Variants in EPB41L2 observed in about 807,000 individuals in gnomAD.
EPB41L2 encodes band 4.1-like protein 2.
Under a neutral mutation model 113.0 loss-of-function variants are expected in EPB41L2, and 43 were observed. The ratio of observed to expected loss-of-function variants is 0.38; its 90% CI spans 0.30 to 0.49. The LOEUF (loss-of-function observed/expected upper bound fraction) is 0.49. EPB41L2 is among the 20% of genes least tolerant of loss of function. The pLI, the probability that EPB41L2 is intolerant of heterozygous loss-of-function variation, is 0.95. For missense variants in EPB41L2, 1,147 were observed against 1,223.4 expected, an observed-to-expected ratio of 0.94 and a Z score of 0.93; for synonymous variants, 442 against 436.7, an observed-to-expected ratio of 1.01 and a Z score of -0.15.
At chr6:131,055,949 C>T (rs551970907) in intron 1 of EPB41L2, among the ~76,000 whole-genome samples, 10 of 152,178 alleles carry the variant, frequency 6.6e-5, no homozygotes, top group South Asian at 2.1e-4. Flanking sequence ...GCATAAAATG[C>T]GTGCGTCAGG....
At chr6:130,901,624 C>T (rs1275542107) in intron 6 of EPB41L2, among the ~76,000 whole-genome samples, 2 of 152,136 alleles carry the variant, frequency 1.3e-5, no homozygotes, top group African/African-American at 4.8e-5. Flanking sequence ...TCCAGAAACA[C>T]CTTTAACAAC....
chr6:130,848,730 A>G (rs945106673), intron 19 of EPB41L2, among the ~76,000 whole-genome samples: 2 of 152,178 alleles, frequency 1.3e-5, no homozygotes, highest in Non-Finnish European at 2.9e-5. Flanking sequence ...TATCTTTACA[A>G]AAACACACAC....
At chr6:130,855,054 A>C (rs1282363682) in intron 19 of EPB41L2, among the ~76,000 whole-genome samples, 1 of 151,784 alleles carries the variant, frequency 6.6e-6, no homozygotes, top group Non-Finnish European at 1.5e-5. Flanking sequence ...ATAAATAAAT[A>C]AAACCATTAG....
chr6:130,867,632 A>G, intron 15 of EPB41L2, 51 bp from the exon 16 acceptor site: 1 of 1,603,164 alleles, frequency 6.2e-7, no homozygotes, highest in South Asian at 1.1e-5. Flanking sequence ...ATAAAGTAAA[A>G]GTGTTTAATG....
At chr6:131,000,370 T>C (rs1179061731) in intron 1 of EPB41L2, among the ~76,000 whole-genome samples, 1 of 152,200 alleles carries the variant, frequency 6.6e-6, no homozygotes, top group African/African-American at 2.4e-5. Flanking sequence ...ATTGTTTTCT[T>C]CTGCACCCCC....
intron 3 of EPB41L2, among the ~76,000 whole-genome samples, chr6:130,952,838 A>G (rs1458967236): frequency 1.3e-5 from 2 of 152,032 alleles, no homozygotes; most frequent in African/African-American, 4.8e-5. Flanking sequence ...ACACATGGCA[A>G]AATGGTAACA....
chr6:130,956,068 T>G lies in EPB41L2; in HGVS notation c.418A>C (p.Lys140Gln). The G allele has an allele frequency of 6.2e-7, 1 of 1,614,176 alleles. No homozygotes were observed. Among genetic ancestry groups the G allele is most frequent in the African/African-American group, 1.3e-5 (1 of 75,062 alleles). The change falls in exon 2 of 20, where the codon AAA becomes CAA. Residue 140 changes from lysine (K) to glutamine (Q), a missense_variant. Lys to Gln is a moderately conservative substitution (Grantham distance 53). Transcript: ENST00000337057. The stretch of plus-strand genomic sequence containing the variant: ...GGTTTTTCTTCCTTGACTTCAACTT[T>G]AATCTCTTGTTTCTTCTGAGCCATT... ...EEMAQKKQEIKVEVKEEKPSV... is the reference protein window; with the variant it reads ...EEMAQKKQEIQVEVKEEKPSV...
chr6:131,046,193 T>C (rs934784855), intron 1 of EPB41L2, among the ~76,000 whole-genome samples: 6 of 151,610 alleles, frequency 4.0e-5, no homozygotes, highest in Non-Finnish European at 7.4e-5. Flanking sequence ...GTGCTAGGAT[T>C]ACAGATACGA....
At chr6:131,001,869 A>C (rs1784442127) in intron 1 of EPB41L2, among the ~76,000 whole-genome samples, 1 of 152,226 alleles carries the variant, frequency 6.6e-6, no homozygotes. Context: ...CAAGATAAAG[A>C]AAGCCGAGAA....
chr6:130,994,075 G>A (rs1222541705), intron 1 of EPB41L2, among the ~76,000 whole-genome samples: 1 of 151,600 alleles, frequency 6.6e-6, no homozygotes, highest in East Asian at 2.0e-4. Context: ...AAATCACAAG[G>A]CTGTGAAAGA....
intron 4 of EPB41L2, among the ~76,000 whole-genome samples, chr6:130,920,868 T>A (rs1802661309): frequency 1.3e-5 from 2 of 152,104 alleles, no homozygotes; most frequent in Non-Finnish European, 2.9e-5. Flanking sequence ...ATCCCCAATC[T>A]AGCCAACAGC....
chr6:130,876,729 T>C, intron 14 of EPB41L2: 1 of 1,304,258 alleles, frequency 7.7e-7, no homozygotes, highest in Non-Finnish European at 1.0e-6. Flanking sequence ...CATCAGGTAC[T>C]TCTCCTTCAC....
intron 1 of EPB41L2, among the ~76,000 whole-genome samples, chr6:131,035,473 C>T (rs572854300): frequency 6.6e-6 from 1 of 152,192 alleles, no homozygotes; most frequent in Admixed American, 6.5e-5. Context: ...TACACCAACA[C>T]CTTTACCTTC....
intron 11 of EPB41L2, among the ~76,000 whole-genome samples, chr6:130,887,220 A>T (rs1791317416): frequency 6.6e-6 from 1 of 152,178 alleles, no homozygotes; most frequent in Admixed American, 6.6e-5. Context: ...TTGTATTTTG[A>T]AGCCGATACA....
At chr6:131,022,303 C>T (rs547286912) in intron 1 of EPB41L2, among the ~76,000 whole-genome samples, 1 of 152,246 alleles carries the variant, frequency 6.6e-6, no homozygotes, top group South Asian at 2.1e-4. Flanking sequence ...AGTCCATGGC[C>T]TGGAGATTGG....
At chr6:130,854,592 C>T (rs1325846856) in intron 19 of EPB41L2, among the ~76,000 whole-genome samples, 2 of 152,064 alleles carry the variant, frequency 1.3e-5, no homozygotes, top group Non-Finnish European at 2.9e-5. Flanking sequence ...ACTGGTAACG[C>T]TTAGAGTGTC....
chr6:130,859,094 CTG>C (rs1158104310), intron 18 of EPB41L2, among the ~76,000 whole-genome samples: 1 of 152,168 alleles, frequency 6.6e-6, no homozygotes, highest in East Asian at 1.9e-4. Context: ...AGAAAGTAAA[CTG>C]TAAGAGTGTT....
intron 1 of EPB41L2, among the ~76,000 whole-genome samples, chr6:130,979,303 T>G (rs148152391): frequency 0.046 from 6,947 of 151,754 alleles, 237 homozygotes; most frequent in East Asian, 0.12. Flanking sequence ...CTGGCCAACA[T>G]AGCAAAACCC....
intron 14 of EPB41L2, among the ~76,000 whole-genome samples, chr6:130,871,163 T>C (rs1052977240): frequency 1.3e-5 from 2 of 152,202 alleles, no homozygotes; most frequent in African/African-American, 4.8e-5. Context: ...GTTGACTTAA[T>C]ACATTAGGAA....
Sources: gnomAD v4.1 joint callset for allele counts (sites outside exome capture counted in the v4.1 genomes callset) on GRCh38, gnomAD v4.1.1 for gene constraint, MANE v1.5 for transcripts, NCBI Gene and HGNC (gene_info 2026-07-23, HGNC 2026-07-21) for gene names.